The following TRAPPC9 variants were observed in gnomAD, a reference collection of about 807,000 sequenced individuals.
The protein encoded by TRAPPC9 is IKK2 binding protein.
TRAPPC9 carries 83 observed loss-of-function variants against 124.0 expected under a neutral mutation model. The ratio of observed to expected loss-of-function variants is 0.67; its 90% CI spans 0.56 to 0.80. The LOEUF (loss-of-function observed/expected upper bound fraction) is 0.80, where lower values mean the gene tolerates loss of function less well. Among genes scored for constraint, TRAPPC9 ranks in the 30% least tolerant of loss-of-function variants. The pLI, the probability that TRAPPC9 is intolerant of heterozygous loss-of-function variation, is 0.00. For missense variants in TRAPPC9, 1,302 were observed against 1,508.3 expected (o/e 0.86, Z 2.27); for synonymous variants, 638 against 617.5 (o/e 1.03, Z -0.49).
At position 140,378,316 on chromosome 8, in the gene TRAPPC9, G is replaced by A. The variant is rs147147134; in HGVS notation, c.1135-7136C>T. Among the ~76,000 whole-genome samples the A allele has an allele frequency of 2.6e-5, 4 of 152,178 alleles. No homozygotes were observed. In the East Asian group the frequency reaches 7.8e-4, roughly 30 times the overall value. ...AGGAGATTAACATTTGACTCGGTGG[G>A]CTGGGAGAGGCAGACCCACACTTCA... On this transcript the variant is annotated intron_variant, in intron 7 of 22. Transcript: ENST00000438773.
chr8:139,764,158 A>G (rs920199378), intron 21 of TRAPPC9, among the ~76,000 whole-genome samples: 2 of 152,142 alleles, frequency 1.3e-5, no homozygotes, highest in Admixed American at 1.3e-4. Flanking sequence ...ACAGTGACAC[A>G]TCCACTGTCT....
At chr8:140,308,971 C>T (rs547487354) in intron 10 of TRAPPC9, among the ~76,000 whole-genome samples, 4 of 152,170 alleles carry the variant, frequency 2.6e-5, no homozygotes, top group African/African-American at 9.6e-5. Flanking sequence ...GCTAACTGTT[C>T]GCAGGGAGCT....
At chr8:139,760,435 C>G (rs1283529781) in intron 21 of TRAPPC9, among the ~76,000 whole-genome samples, 2 of 152,202 alleles carry the variant, frequency 1.3e-5, no homozygotes, top group Non-Finnish European at 2.9e-5. Flanking sequence ...ACGCTCAGAA[C>G]ATCATCCAAA....
At chr8:140,456,272 C>T (rs1475016018) in intron 1 of TRAPPC9, among the ~76,000 whole-genome samples, 3 of 152,020 alleles carry the variant, frequency 2.0e-5, no homozygotes, top group Non-Finnish European at 4.4e-5. Context: ...TGTAGCCGGG[C>T]ATGGTGGCAG....
chr8:140,105,809 C>T (rs535496929), intron 17 of TRAPPC9, among the ~76,000 whole-genome samples: 1 of 152,118 alleles, frequency 6.6e-6, no homozygotes, highest in Non-Finnish European at 1.5e-5. Flanking sequence ...AGAGAGACTG[C>T]ATGCAGTCTG....
chr8:140,007,553 GA>G (rs1279933634), intron 18 of TRAPPC9, among the ~76,000 whole-genome samples: 3 of 150,854 alleles, frequency 2.0e-5, no homozygotes, highest in African/African-American at 7.3e-5. Flanking sequence ...AAGAAACGAA[GA>G]GAACTTTAAA....
At chr8:140,300,341 G>T in intron 11 of TRAPPC9, 128 bp downstream of exon 11, 2 of 1,221,336 alleles carry the variant, frequency 1.6e-6, no homozygotes, top group Non-Finnish European at 2.4e-6. Context: ...ATGCATGCGT[G>T]CACACATCCA....
intron 16 of TRAPPC9, among the ~76,000 whole-genome samples, chr8:140,222,540 G>A (rs572026126): frequency 2.6e-5 from 4 of 152,122 alleles, no homozygotes; most frequent in East Asian, 3.9e-4. Context: ...CACACAGCTC[G>A]CAGAGTCTCC....
chr8:139,871,171 A>G (rs1363656786), intron 21 of TRAPPC9, among the ~76,000 whole-genome samples: 2 of 152,188 alleles, frequency 1.3e-5, no homozygotes, highest in Non-Finnish European at 2.9e-5. Flanking sequence ...AGTTATGCTG[A>G]TTACAAGTGA....
intron 19 of TRAPPC9, among the ~76,000 whole-genome samples, chr8:139,927,694 T>C (rs756149210): frequency 6.6e-6 from 1 of 152,096 alleles, no homozygotes; most frequent in Non-Finnish European, 1.5e-5. Flanking sequence ...GCCAAAAAAG[T>C]AGAAACAACC....
intron 7 of TRAPPC9, among the ~76,000 whole-genome samples, chr8:140,383,786 A>G (rs2068679284): frequency 6.6e-6 from 1 of 152,346 alleles, no homozygotes; most frequent in South Asian, 2.1e-4. Context: ...AAGCAGGCCA[A>G]CATTCAAATT....
At chr8:139,850,600 G>T (rs1487077536) in intron 21 of TRAPPC9, among the ~76,000 whole-genome samples, 1 of 152,214 alleles carries the variant, frequency 6.6e-6, no homozygotes, top group Non-Finnish European at 1.5e-5. Context: ...CATTTGTAGG[G>T]ATATAAGTCA....
chr8:140,172,727 G>C (rs11787355), intron 17 of TRAPPC9, among the ~76,000 whole-genome samples: 25,213 of 152,156 alleles, frequency 0.17, 2,705 homozygotes, highest in Admixed American at 0.25. Flanking sequence ...ACAGGAAGCA[G>C]CAATAACATT....
intron 21 of TRAPPC9, among the ~76,000 whole-genome samples, chr8:139,770,954 C>T (rs528174998): frequency 6.6e-6 from 1 of 152,234 alleles, no homozygotes; most frequent in East Asian, 1.9e-4. Context: ...CTTCTGGGAC[C>T]CTCCCGCAGG....
At chr8:139,865,128 C>T (rs536227906) in intron 21 of TRAPPC9, among the ~76,000 whole-genome samples, 1 of 152,308 alleles carries the variant, frequency 6.6e-6, no homozygotes, top group South Asian at 2.1e-4. Flanking sequence ...GCAAAAGAAG[C>T]CATCATCACA....
At position 139,988,948 on chromosome 8, in the gene TRAPPC9, C is replaced by T. The variant is rs933636087; in HGVS notation, c.2700-112G>A. 22 of 746,066 alleles carry T rather than the reference C, an allele frequency of 2.9e-5. No homozygotes were observed. In the African/African-American group the frequency reaches 3.3e-4, roughly 11 times the overall value. The allele number at this position is 746,066 out of a possible 1,614,324, so 46.2% of individuals were successfully genotyped here. A position where few individuals can be genotyped will look rare whatever the true frequency, so the allele number is the denominator to read the frequency against. On this transcript the variant is annotated intron_variant, in intron 18 of 22. Coordinates refer to ENST00000438773, the MANE Select transcript of TRAPPC9 (RefSeq NM_001160372.4). ...ACCACTTAAGAAGGGCAAAGTATAT[C>T]GAAATGCCAAGTGCTCCTGGGCTCA...
chr8:139,748,257 A>T (rs564044566), intron 21 of TRAPPC9, among the ~76,000 whole-genome samples: 21 of 22,946 alleles, frequency 9.2e-4, no homozygotes, highest in Middle Eastern at 0.023. Context: ...CAGAGCAGGT[A>T]GGGGGGGCAT....
At chr8:140,201,068 T>A (rs1457646264) in intron 17 of TRAPPC9, among the ~76,000 whole-genome samples, 3 of 152,222 alleles carry the variant, frequency 2.0e-5, no homozygotes, top group Non-Finnish European at 1.5e-5. Context: ...TAACGCCGGA[T>A]GCAGGGCTCA....
chr8:139,897,732 G>T (rs1320612698), intron 20 of TRAPPC9, among the ~76,000 whole-genome samples: 2 of 152,206 alleles, frequency 1.3e-5, no homozygotes, highest in Non-Finnish European at 2.9e-5. Context: ...CAAATTCGGG[G>T]TCTGCTGCTC....
Sources: allele counts gnomAD v4.1 joint callset (sites outside exome capture counted in the v4.1 genomes callset), GRCh38; gene constraint gnomAD v4.1.1; transcripts MANE v1.5; gene names NCBI Gene and HGNC (gene_info 2026-07-23, HGNC 2026-07-21).